The following PRR16 variants were observed in gnomAD, a reference collection of about 807,000 sequenced individuals.
PRR16 encodes protein Largen.
Under a neutral mutation model 18.2 loss-of-function variants are expected in PRR16, and 6 were observed. That is an observed-to-expected ratio of 0.33 (90% CI 0.18 to 0.65). PRR16 has a LOEUF of 0.65. Among genes scored for constraint, PRR16 ranks in the 30% least tolerant of loss-of-function variants. PRR16 has a pLI of 0.74. For synonymous variants in PRR16, 151 were observed against 147.8 expected, an observed-to-expected ratio of 1.02 and a Z score of -0.16; for missense variants, 412 against 376.6, an observed-to-expected ratio of 1.09 and a Z score of -0.78.
the PRR16 span, among the ~76,000 whole-genome samples, chr5:120,769,516 T>C: frequency 2.6e-5 from 4 of 152,014 alleles, no homozygotes; most frequent in African/African-American, 9.6e-5. Flanking sequence ...TCATTTTCCA[T>C]TCCCTGTTGT....
chr5:120,563,680 T>C (rs10035348), intron 1 of PRR16, among the ~76,000 whole-genome samples: 150,505 of 152,304 alleles, frequency 0.99, 74,384 homozygotes, highest in East Asian at 1. Flanking sequence ...TGTCCAAGAC[T>C]CTAGGCTTGG....
the PRR16 span, among the ~76,000 whole-genome samples, chr5:120,694,778 C>G: frequency 6.6e-6 from 1 of 151,648 alleles, no homozygotes; most frequent in African/African-American, 2.4e-5. Flanking sequence ...ATTACAATAA[C>G]TTGTAATAGC....
At chr5:120,676,471 C>G (rs1756800617) in intron 1 of PRR16, among the ~76,000 whole-genome samples, 1 of 150,738 alleles carries the variant, frequency 6.6e-6, no homozygotes, top group Non-Finnish European at 1.5e-5. Context: ...CTAACAACAT[C>G]AAGATTGTCT....
chr5:120,734,965 A>T, the PRR16 span, among the ~76,000 whole-genome samples: 125,651 of 152,158 alleles, frequency 0.83, 53,519 homozygotes, highest in East Asian at 0.94. Flanking sequence ...AGATCTCCAG[A>T]ATCTTTTTCA....
chr5:120,619,411 G>T (rs955126918), intron 1 of PRR16, among the ~76,000 whole-genome samples: 1 of 152,034 alleles, frequency 6.6e-6, no homozygotes, highest in African/African-American at 2.4e-5. Flanking sequence ...TATTATAGGG[G>T]CTATACATTT....
At chr5:120,784,191 A>G in the PRR16 span, among the ~76,000 whole-genome samples, 2 of 152,168 alleles carry the variant, frequency 1.3e-5, no homozygotes, top group South Asian at 2.1e-4. Context: ...ATCTCTTAAT[A>G]TACTGAATTT....
intron 1 of PRR16, among the ~76,000 whole-genome samples, chr5:120,519,734 T>C (rs1455991376): frequency 6.6e-6 from 1 of 152,086 alleles, no homozygotes; most frequent in African/African-American, 2.4e-5. Flanking sequence ...CAGCTTTTAT[T>C]TTTTAAAAAA....
At chr5:120,704,987 T>G in the PRR16 span, among the ~76,000 whole-genome samples, 3 of 152,124 alleles carry the variant, frequency 2.0e-5, no homozygotes, top group Admixed American at 1.3e-4. Context: ...TAGAGATCCA[T>G]TTAAGATTAG....
chr5:120,673,188 CA>C (rs1206654368), intron 1 of PRR16, among the ~76,000 whole-genome samples: 2 of 152,192 alleles, frequency 1.3e-5, no homozygotes, highest in Non-Finnish European at 2.9e-5. Context: ...ACATGCAATA[CA>C]TTTAACTATA....
chr5:120,567,627 C>A (rs113737774), intron 1 of PRR16, among the ~76,000 whole-genome samples: 2 of 152,086 alleles, frequency 1.3e-5, no homozygotes, highest in African/African-American at 4.8e-5. Context: ...TTCCCACTTG[C>A]TCTTCTCATG....
At position 120,474,597 on chromosome 5, in the gene PRR16, T is replaced by TTA. The variant is rs1491326636; in HGVS notation, c.159+9952_159+9953insTA. Among the ~76,000 whole-genome samples, 237 of 138,354 alleles carry TTA rather than the reference T, an allele frequency of 1.7e-3. 1 individual carries two copies. The highest frequency in any genetic ancestry group is 7.9e-3 in the Middle Eastern group (2 of 252). 90.8% of individuals were successfully genotyped at this position (138,354 alleles called of 152,430 possible). A position where few individuals can be genotyped will look rare whatever the true frequency, so the allele number is the denominator to read the frequency against. ...TGTCTTGTATTTGCTATCTTTTTTT[T>TTA]AAAAAAAAAACCCATTATCTGTATT... On this transcript the variant is annotated intron_variant, in intron 1 of 1. Transcript: ENST00000407149.
intron 1 of PRR16, among the ~76,000 whole-genome samples, chr5:120,509,336 T>G (rs1034621783): frequency 9.9e-5 from 15 of 152,120 alleles, no homozygotes; most frequent in Non-Finnish European, 2.1e-4. Flanking sequence ...AACCATATGC[T>G]TTTGGTATCA....
intron 1 of PRR16, among the ~76,000 whole-genome samples, chr5:120,608,979 A>G (rs947220731): frequency 3.3e-5 from 5 of 152,196 alleles, no homozygotes; most frequent in Non-Finnish European, 7.4e-5. Context: ...TCTGTTAAGA[A>G]AATTAATCCT....
rs1561533088 is a variant in PRR16 at position 120,530,272 on chromosome 5, TATATA to T, written c.159+65628_159+65632del. The stretch of plus-strand genomic sequence containing the variant: ...GTGTGTAAATATATATATATATATA[TATATA>T]TATATATTTATTTATTTATTTATTT... On this transcript the variant is annotated intron_variant, in intron 1 of 1. Transcript: ENST00000407149. 7.1e-3 allele frequency among the ~76,000 whole-genome samples: 895 copies of T among 125,284 alleles called. 23 individuals carry two copies. The highest frequency in any genetic ancestry group is 0.029 in the African/African-American group (857 of 29,586). The allele number at this position is 125,284 out of a possible 152,430, so 82.2% of individuals were successfully genotyped here.
chr5:120,506,520 C>T (rs1380314023), intron 1 of PRR16, among the ~76,000 whole-genome samples: 1 of 151,914 alleles, frequency 6.6e-6, no homozygotes, highest in African/African-American at 2.4e-5. Context: ...GTTATGCTGG[C>T]CATTTTTATT....
At chr5:120,687,880 C>T (rs1757166283), downstream of PRR16, among the ~76,000 whole-genome samples, 1 of 152,210 alleles carries the variant, frequency 6.6e-6, no homozygotes, top group Non-Finnish European at 1.5e-5. Context: ...CCAAATTTAA[C>T]TTCCAATTTT....
chr5:120,482,373 A>G (rs1212561011), intron 1 of PRR16, among the ~76,000 whole-genome samples: 1 of 152,162 alleles, frequency 6.6e-6, no homozygotes. Flanking sequence ...AAGCCAGAAC[A>G]TACAGTATTT....
chr5:120,784,468 C>A, the PRR16 span, among the ~76,000 whole-genome samples: 1 of 152,064 alleles, frequency 6.6e-6, no homozygotes, highest in African/African-American at 2.4e-5. Flanking sequence ...ATATGTTGAG[C>A]ATATTTTGTA....
chr5:120,757,090 G>T, the PRR16 span, among the ~76,000 whole-genome samples: 88 of 152,064 alleles, frequency 5.8e-4, no homozygotes, highest in African/African-American at 2.0e-3. Flanking sequence ...TTTCTTTATT[G>T]CTTATTTTTG....
Sources: gnomAD v4.1 joint callset for allele counts (sites outside exome capture counted in the v4.1 genomes callset) on GRCh38, gnomAD v4.1.1 for gene constraint, MANE v1.5 for transcripts, NCBI Gene and HGNC (gene_info 2026-07-23, HGNC 2026-07-21) for gene names.